The following RNF217 variants were observed in gnomAD, a reference collection of about 807,000 sequenced individuals.
RNF217 encodes the protein E3 ubiquitin-protein ligase RNF217.
A neutral mutation model predicts 57.8 loss-of-function variants in RNF217; 31 were observed. The observed-to-expected ratio is 0.54, with a 90% CI of 0.40 to 0.72. The LOEUF (loss-of-function observed/expected upper bound fraction) is 0.72. RNF217 is among the 30% of genes least tolerant of loss of function. The probability of loss-of-function intolerance (pLI) is 0.00; values close to 1 mark genes in which losing one functional copy is unlikely to be tolerated. For missense variants in RNF217, 696 were observed against 708.3 expected (o/e 0.98, Z 0.20); for synonymous variants, 313 against 294.0 (o/e 1.06, Z -0.66).
At chr6:125,015,543 G>C (rs1038905933) in intron 1 of RNF217, among the ~76,000 whole-genome samples, 2 of 151,890 alleles carry the variant, frequency 1.3e-5, no homozygotes, top group African/African-American at 2.4e-5. Flanking sequence ...AAAGAAAAGC[G>C]GTTATGATCT....
Position 125,034,674 on chromosome 6 carries a change from T to C in RNF217, c.883-10537T>C, listed in dbSNP as rs552218710. The stretch of plus-strand genomic sequence containing the variant: ...TTTTGGCTTAGGATTGGCTTGGCGA[T>C]GCAGGCTCTTTTTTGGTTCCATATG... On this transcript the variant is annotated intron_variant, in intron 1 of 5. Transcript: ENST00000521654. 2.4e-3 allele frequency among the ~76,000 whole-genome samples: 368 copies of C among 152,328 alleles called. 1 individual carries two copies. Among genetic ancestry groups the C allele is most frequent in the Non-Finnish European group, 4.0e-3 (269 of 68,042 alleles).
intron 2 of RNF217, among the ~76,000 whole-genome samples, chr6:125,054,542 A>C (rs745826470): frequency 2.6e-5 from 4 of 152,130 alleles, no homozygotes; most frequent in Non-Finnish European, 4.4e-5. Context: ...TTGTATCTCT[A>C]TGACACTCCT....
rs552336727 is a variant in RNF217, at chr6:124,992,539, G to C, written c.882+29113G>C. Among the ~76,000 whole-genome samples the C allele has an allele frequency of 1.1e-4, 17 of 152,214 alleles. No individual in the cohort carries two copies. The South Asian group carries it at 2.1e-3, about 19-fold the overall frequency. On this transcript the variant is annotated intron_variant, in intron 1 of 5. Transcript: ENST00000521654. ...GCAAGATACTGGATTCGGTTAGCTT[G>C]TTCTAGTGTATTATATAATAAAAGT...
At chr6:125,055,281 A>G (rs1183726182) in intron 2 of RNF217, among the ~76,000 whole-genome samples, 1 of 152,178 alleles carries the variant, frequency 6.6e-6, no homozygotes, top group African/African-American at 2.4e-5. Flanking sequence ...AGACTGCCCC[A>G]TAACTCTGGT....
chr6:125,041,893 T>C (rs1321698574), intron 1 of RNF217, among the ~76,000 whole-genome samples: 1 of 152,074 alleles, frequency 6.6e-6, no homozygotes, highest in African/African-American at 2.4e-5. Flanking sequence ...GATGCAGTAT[T>C]CGGTTATGCA....
chr6:125,047,864 A>C (rs1316452975), intron 2 of RNF217, among the ~76,000 whole-genome samples: 1 of 152,086 alleles, frequency 6.6e-6, no homozygotes, highest in Non-Finnish European at 1.5e-5. Context: ...CTATAAAATG[A>C]AACTTAAGCA....
At position 125,069,467 on chromosome 6, in the gene RNF217, G is replaced by A. The variant is rs1177467226; in HGVS notation, c.1282-7190G>A. On this transcript the variant is annotated intron_variant, in intron 3 of 5. Transcript: ENST00000521654. ...ACTTGAATTCAGCTGCATTCATATT[G>A]CTGCAAAGGATGTGATTTCATTCTT... is the stretch of plus-strand genomic sequence containing the variant. Among the ~76,000 whole-genome samples, 6 of 152,068 alleles carry A rather than the reference G, an allele frequency of 3.9e-5. No homozygotes were observed. The East Asian group carries it at 1.2e-3, about 29-fold the overall frequency.
rs1430614376 is a variant in RNF217, at chr6:124,971,399, A to G, written c.882+7973A>G. On this transcript the variant is annotated intron_variant, in intron 1 of 5. Transcript: ENST00000521654. Reference sequence around the variant, plus strand: ...GCCTCATCTACTTGTAAGGAAATCAAGAGGAATTTGGCTTAGGAAAGCTAT... The same window carrying G: ...GCCTCATCTACTTGTAAGGAAATCAGGAGGAATTTGGCTTAGGAAAGCTAT... The G allele has an allele frequency of 1.7e-5, 4 of 236,082 alleles. No individual in the cohort carries two copies. In the East Asian group the frequency reaches 6.3e-4, roughly 37 times the overall value. 14.6% of individuals were successfully genotyped at this position (236,082 alleles called of 1,614,324 possible).
chr6:125,040,496 G>A (rs534867904), intron 1 of RNF217, among the ~76,000 whole-genome samples: 1 of 152,242 alleles, frequency 6.6e-6, no homozygotes, highest in East Asian at 1.9e-4. Context: ...ATTCACTGCT[G>A]AATTCTACCA....
chr6:125,067,188 G>T (rs1256665419), intron 3 of RNF217, among the ~76,000 whole-genome samples: 1 of 152,200 alleles, frequency 6.6e-6, no homozygotes, highest in Non-Finnish European at 1.5e-5. Context: ...CAGGCACTTT[G>T]TGGTTAACTT....
chr6:125,061,631 T>G (rs980349709), intron 3 of RNF217, among the ~76,000 whole-genome samples: 1 of 151,648 alleles, frequency 6.6e-6, no homozygotes, highest in Non-Finnish European at 1.5e-5. Flanking sequence ...AGGTTTTCGT[T>G]TTTTTTTAAA....
intron 2 of RNF217, chr6:125,048,182 C>T: frequency 7.4e-7 from 1 of 1,344,716 alleles, no homozygotes; most frequent in Non-Finnish European, 9.9e-7. Context: ...GATACCCCAG[C>T]CAACCAATCG....
At chr6:124,987,340 C>G (rs1582673402) in intron 1 of RNF217, among the ~76,000 whole-genome samples, 1 of 152,146 alleles carries the variant, frequency 6.6e-6, no homozygotes, top group African/African-American at 2.4e-5. Flanking sequence ...TTTATTCCCC[C>G]TAAGAGAAAT....
intron 1 of RNF217, among the ~76,000 whole-genome samples, chr6:125,003,615 A>G (rs7772667): frequency 0.88 from 134,151 of 152,162 alleles, 59,206 homozygotes; most frequent in Admixed American, 0.91. Flanking sequence ...ATAAACATAT[A>G]AGGTGATGGA....
intron 1 of RNF217, among the ~76,000 whole-genome samples, chr6:125,030,394 C>T (rs1786302992): frequency 6.6e-6 from 1 of 152,086 alleles, no homozygotes; most frequent in Admixed American, 6.5e-5. Flanking sequence ...TCCAAAATCC[C>T]ATCTGAGACA....
At chr6:124,976,696 G>A (rs1283837365) in intron 1 of RNF217, among the ~76,000 whole-genome samples, 1 of 151,840 alleles carries the variant, frequency 6.6e-6, no homozygotes, top group Non-Finnish European at 1.5e-5. Flanking sequence ...CTAGAGATGG[G>A]GTTTCACCAT....
At chr6:125,063,517 T>A (rs1787824717) in intron 3 of RNF217, among the ~76,000 whole-genome samples, 1 of 152,288 alleles carries the variant, frequency 6.6e-6, no homozygotes, top group South Asian at 2.1e-4. Flanking sequence ...AACACTAACA[T>A]GTACTGACAT....
chr6:125,027,946 A>C (rs1340574447), intron 1 of RNF217, among the ~76,000 whole-genome samples: 1 of 151,912 alleles, frequency 6.6e-6, no homozygotes, highest in African/African-American at 2.4e-5. Flanking sequence ...CCATTTATTC[A>C]AATCATTGCC....
chr6:125,005,116 C>CT (rs746309663), intron 1 of RNF217, among the ~76,000 whole-genome samples: 4 of 152,132 alleles, frequency 2.6e-5, no homozygotes, highest in Non-Finnish European at 5.9e-5. Flanking sequence ...CCCTCGTGAC[C>CT]TAAACACCTC....
Sources: gnomAD v4.1 joint callset for allele counts (sites outside exome capture counted in the v4.1 genomes callset) on GRCh38, gnomAD v4.1.1 for gene constraint, MANE v1.5 for transcripts, NCBI Gene and HGNC (gene_info 2026-07-23, HGNC 2026-07-21) for gene names.